RBPMS: variants seen among roughly 807,000 people sequenced by gnomAD.
The protein encoded by RBPMS is RNA-binding protein with multiple splicing.
RBPMS carries 7 observed loss-of-function variants against 26.8 expected under a neutral mutation model. The observed-to-expected ratio is 0.26, with a 90% CI of 0.15 to 0.49. The LOEUF (loss-of-function observed/expected upper bound fraction) is 0.49. Among genes scored for constraint, RBPMS ranks in the 20% least tolerant of loss-of-function variants. The pLI is 0.98. For synonymous variants in RBPMS, 96 were observed against 93.3 expected, an observed-to-expected ratio of 1.03 and a Z score of -0.17; for missense variants, 186 against 250.0, an observed-to-expected ratio of 0.74 and a Z score of 1.73.
chr8:30,427,129 G>T (rs137953240), intron 1 of RBPMS, among the ~76,000 whole-genome samples: 1 of 152,072 alleles, frequency 6.6e-6, no homozygotes, highest in Non-Finnish European at 1.5e-5. Flanking sequence ...CCTGGGCCTC[G>T]TGGCTCTAAA....
chr8:30,476,913 G>C (rs922268963), intron 2 of RBPMS, among the ~76,000 whole-genome samples: 4 of 152,106 alleles, frequency 2.6e-5, no homozygotes, highest in Non-Finnish European at 5.9e-5. Flanking sequence ...AAAACCTGAA[G>C]GGATTATTTT....
chr8:30,488,206 A>G (rs1369918877), intron 4 of RBPMS, among the ~76,000 whole-genome samples: 1 of 152,246 alleles, frequency 6.6e-6, no homozygotes, highest in Non-Finnish European at 1.5e-5. Context: ...AACACAGGAC[A>G]TGAAAATAAG....
At chr8:30,450,876 C>T (rs1387295975) in intron 1 of RBPMS, among the ~76,000 whole-genome samples, 1 of 144,332 alleles carries the variant, frequency 6.9e-6, no homozygotes, top group Admixed American at 7.0e-5. Flanking sequence ...AATAAAATTA[C>T]TTCTCCTTTG....
In RBPMS at chr8:30,544,473, C is replaced by T. The variant is rs775144034; in HGVS notation, c.398-21C>T. The T allele has an allele frequency of 7.5e-5, 121 of 1,611,090 alleles. 1 individual carries two copies. In the South Asian group the frequency reaches 9.1e-4, roughly 12 times the overall value. ...TAGCTGTATGGTAACCACTAACTCT[C>T]GCCTTATTCTTTTCTTGCAGATGAG... is the stretch of plus-strand genomic sequence containing the variant. On this transcript the variant is annotated intron_variant, in intron 5 of 8. Coordinates refer to ENST00000397323, the MANE Select transcript of RBPMS (RefSeq NM_001008710.3).
At chr8:30,557,161 A>G (rs1261335954) in intron 6 of RBPMS, among the ~76,000 whole-genome samples, 1 of 152,040 alleles carries the variant, frequency 6.6e-6, no homozygotes, top group African/African-American at 2.4e-5. Context: ...GCCAGAAGAG[A>G]CCCAATGCAC....
intron 4 of RBPMS, among the ~76,000 whole-genome samples, chr8:30,480,810 A>C (rs556190051): frequency 2.0e-5 from 3 of 152,234 alleles, no homozygotes; most frequent in African/African-American, 7.2e-5. Flanking sequence ...TAGAACCACA[A>C]TTTCAATTTA....
chr8:30,531,915 A>G (rs1214551153), intron 5 of RBPMS, among the ~76,000 whole-genome samples: 1 of 152,186 alleles, frequency 6.6e-6, no homozygotes. Flanking sequence ...GGAATGAATG[A>G]TAAGGGAATT....
intron 5 of RBPMS, among the ~76,000 whole-genome samples, chr8:30,535,160 T>A (rs1039659177): frequency 3.9e-5 from 6 of 152,210 alleles, no homozygotes; most frequent in African/African-American, 1.4e-4. Flanking sequence ...TTCTTAAAAG[T>A]CAAGGAAATG....
chr8:30,391,342 T>C (rs898937319), intron 1 of RBPMS, among the ~76,000 whole-genome samples: 1 of 152,248 alleles, frequency 6.6e-6, no homozygotes, highest in Non-Finnish European at 1.5e-5. Context: ...CAAACAAGCC[T>C]GCTCTGTGTG....
At chr8:30,543,416 A>G (rs1330925671) in intron 5 of RBPMS, among the ~76,000 whole-genome samples, 1 of 152,186 alleles carries the variant, frequency 6.6e-6, no homozygotes, top group African/African-American at 2.4e-5. Context: ...AGGAAGGAAT[A>G]AAGTGACTCT....
chr8:30,388,231 T>G (rs1027220829), intron 1 of RBPMS, among the ~76,000 whole-genome samples: 6 of 152,062 alleles, frequency 3.9e-5, no homozygotes, highest in Non-Finnish European at 7.4e-5. Flanking sequence ...ATGTCATTTC[T>G]TATATTTTAC....
At position 30,542,503 on chromosome 8, in the gene RBPMS, C is replaced by A. The variant is rs1480869409; in HGVS notation, c.398-1991C>A. ...GTTAGCCAGGAAGATAAGGAAGGACCACTGACAGGCTGCAGGCCAAACACG... is the reference window on the plus strand; with the variant it reads ...GTTAGCCAGGAAGATAAGGAAGGACAACTGACAGGCTGCAGGCCAAACACG... On this transcript the variant is annotated intron_variant, in intron 5 of 8. Coordinates refer to ENST00000397323, the MANE Select transcript of RBPMS (RefSeq NM_001008710.3). 3.9e-5 allele frequency among the ~76,000 whole-genome samples: 6 copies of A among 152,298 alleles called. No homozygotes were observed. In the East Asian group the frequency reaches 1.2e-3, roughly 29 times the overall value.
At chr8:30,497,858 G>A (rs1432466517) in intron 4 of RBPMS, among the ~76,000 whole-genome samples, 1 of 151,818 alleles carries the variant, frequency 6.6e-6, no homozygotes, top group Non-Finnish European at 1.5e-5. Context: ...TCCTGACCTT[G>A]TGATCTGCCC....
chr8:30,440,770 C>G (rs1812976041), intron 1 of RBPMS, among the ~76,000 whole-genome samples: 1 of 150,586 alleles, frequency 6.6e-6, no homozygotes, highest in African/African-American at 2.4e-5. Flanking sequence ...TTTCCCACAT[C>G]TTTGAGAACA....
chr8:30,466,503 A>T (rs1816504695), intron 1 of RBPMS, among the ~76,000 whole-genome samples: 1 of 152,044 alleles, frequency 6.6e-6, no homozygotes, highest in South Asian at 2.1e-4. Flanking sequence ...CTATGATTGC[A>T]CCGCTGCACT....
chr8:30,439,017 T>C (rs1211484796), intron 1 of RBPMS, among the ~76,000 whole-genome samples: 2 of 152,214 alleles, frequency 1.3e-5, no homozygotes, highest in African/African-American at 4.8e-5. Context: ...CCTCATGTGA[T>C]CCACCTGCTT....
At chr8:30,458,314 C>G (rs1387525193) in intron 1 of RBPMS, among the ~76,000 whole-genome samples, 2 of 152,184 alleles carry the variant, frequency 1.3e-5, no homozygotes, top group African/African-American at 2.4e-5. Context: ...TTGGGTCCTA[C>G]TTAGTCTCTC....
At chr8:30,411,784 A>G (rs1809464145) in intron 1 of RBPMS, among the ~76,000 whole-genome samples, 1 of 152,014 alleles carries the variant, frequency 6.6e-6, no homozygotes. Context: ...GAGTTCCGAG[A>G]CTAGCCTTGC....
chr8:30,422,799 T>C (rs1303210520), intron 1 of RBPMS, among the ~76,000 whole-genome samples: 18 of 152,228 alleles, frequency 1.2e-4, no homozygotes, highest in Admixed American at 1.0e-3. Context: ...GAAAAATACA[T>C]AACAAATGCA....
Sources: gnomAD v4.1 joint callset for allele counts (sites outside exome capture counted in the v4.1 genomes callset) on GRCh38, gnomAD v4.1.1 for gene constraint, MANE v1.5 for transcripts, NCBI Gene and HGNC (gene_info 2026-07-23, HGNC 2026-07-21) for gene names.